ABLIM2: variants seen among roughly 807,000 people sequenced by gnomAD.
ABLIM2 encodes actin-binding LIM protein 2.
In ABLIM2, 53 loss-of-function variants were observed where a neutral mutation model predicts 97.7. The observed-to-expected ratio is 0.54, with a 90% CI of 0.44 to 0.68. The LOEUF is 0.68. Ranked by LOEUF, ABLIM2 falls within the 30% of genes least tolerant of loss-of-function variation. The probability of loss-of-function intolerance (pLI) is 0.00; values close to 1 mark genes in which losing one functional copy is unlikely to be tolerated. For missense variants in ABLIM2, 835 were observed against 867.2 expected, an observed-to-expected ratio of 0.96 and a Z score of 0.47; for synonymous variants, 361 against 345.8, an observed-to-expected ratio of 1.04 and a Z score of -0.49.
At position 7,976,968 on chromosome 4, in the gene ABLIM2, T is replaced by TAC. The variant is rs528668327; in HGVS notation, c.1824+6294_1824+6295dup. ...ACATACATACACACAGTCACGTGTA[T>TAC]ACACACACACACACTGATATGGTTT... On this transcript the variant is annotated intron_variant, in intron 20 of 20. Coordinates refer to ENST00000447017, the MANE Select transcript of ABLIM2 (RefSeq NM_001130083.2). Among the ~76,000 whole-genome samples, 799 of 151,898 alleles carry TAC rather than the reference T, an allele frequency of 5.3e-3. 5 individuals are homozygous for TAC. The highest frequency in any genetic ancestry group is 0.017 in the African/African-American group (710 of 41,424).
In ABLIM2 at chr4:8,003,282, C is replaced by T. The variant is rs572373515; in HGVS notation, c.1618+4777G>A. ...ATGCTCAGAAACCTGCATTAGCCTT[C>T]GGCCAGGCAGAGTCATCTAGCACAC... On this transcript the variant is annotated intron_variant, in intron 16 of 20. Coordinates refer to ENST00000447017, the MANE Select transcript of ABLIM2 (RefSeq NM_001130083.2). The surrounding 1 kb of genome is among the most constrained non-coding windows in gnomAD (Gnocchi z 4.2). Among the ~76,000 whole-genome samples the T allele has an allele frequency of 3.9e-5, 6 of 152,342 alleles. No individual in the cohort carries two copies. In the South Asian group the frequency reaches 1.0e-3, roughly 26 times the overall value.
intron 1 of ABLIM2, among the ~76,000 whole-genome samples, chr4:8,137,912 GC>G (rs1561619154): frequency 6.6e-6 from 1 of 152,252 alleles, no homozygotes; most frequent in Non-Finnish European, 1.5e-5. Flanking sequence ...GGCAGAAGCC[GC>G]CCAGGTGCCC....
In ABLIM2 at chr4:8,077,675, T is replaced by C; in HGVS notation, c.628A>G (p.Ile210Val). The change falls in exon 6 of 21, where the codon ATC becomes GTC. Residue 210 changes from isoleucine to valine, a missense_variant. Coordinates refer to ENST00000447017, the MANE Select transcript of ABLIM2 (RefSeq NM_001130083.2). The part of the protein sequence containing the change: ...CEADYHAKFG[I>V]RCDSCEKYIT... ...TATTTCTCACAGCTGTCACAGCGGA[T>C]GCCGAACTTGGCGTGATAGTCAGCT... is the stretch of plus-strand genomic sequence containing the variant. 1 of 1,613,282 alleles carries C rather than the reference T, an allele frequency of 6.2e-7. No homozygotes were observed. Among genetic ancestry groups the C allele is most frequent in the Non-Finnish European group, 8.5e-7 (1 of 1,179,578 alleles).
At position 8,122,891 on chromosome 4, in the gene ABLIM2, AG is replaced by A. The variant is rs1416072272; in HGVS notation, c.11-16255del. 6.6e-6 allele frequency among the ~76,000 whole-genome samples: 1 copy of A among 151,970 alleles called. No homozygotes were observed. The highest frequency in any genetic ancestry group is 6.5e-5 in the Admixed American group (1 of 15,278). ...TCCACCATGCCCCACCGCGTGGATG[AG>A]GGGATGGGAGAGGGAGAGGGGTGAG... On this transcript the variant is annotated intron_variant, in intron 1 of 20. Transcript: ENST00000447017. The surrounding 1 kb of genome is among the most constrained non-coding windows in gnomAD (Gnocchi z 4.1).
intron 2 of ABLIM2, among the ~76,000 whole-genome samples, chr4:8,105,294 T>C (rs925366158): frequency 6.6e-6 from 1 of 152,146 alleles, no homozygotes; most frequent in Non-Finnish European, 1.5e-5. Flanking sequence ...ATATACTTGG[T>C]TTTTACTATA....
At chr4:8,121,106 T>C (rs1234140012) in intron 1 of ABLIM2, among the ~76,000 whole-genome samples, 1 of 152,216 alleles carries the variant, frequency 6.6e-6, no homozygotes, top group African/African-American at 2.4e-5. Context: ...AGCTGGGGAC[T>C]GGCTGGCTCC....
At chr4:7,993,983 C>T (rs369799336) in intron 16 of ABLIM2, 6 of 501,504 alleles carry the variant, frequency 1.2e-5, no homozygotes, top group Non-Finnish European at 2.0e-5. Context: ...GAAGTGAACG[C>T]CTGCCTGGCT....
At position 8,147,389 on chromosome 4, in the gene ABLIM2, C is replaced by T. The variant is rs1284364470; in HGVS notation, c.10+11291G>A. Reference sequence around the variant, plus strand: ...TGTGCCCGGCTGAGTAATGCCTCCCCCAGAAGATATCCCCATCTAATCGCT... The same window carrying T: ...TGTGCCCGGCTGAGTAATGCCTCCCTCAGAAGATATCCCCATCTAATCGCT... On this transcript the variant is annotated intron_variant, in intron 1 of 20. Coordinates refer to ENST00000447017, the MANE Select transcript of ABLIM2 (RefSeq NM_001130083.2). The surrounding 1 kb of genome is among the most constrained non-coding windows in gnomAD (Gnocchi z 5.3). 6.6e-6 allele frequency among the ~76,000 whole-genome samples: 1 copy of T among 152,122 alleles called. No homozygotes were observed. The highest frequency in any genetic ancestry group is 6.5e-5 in the Admixed American group (1 of 15,286).
chr4:8,108,208 C>A lies in ABLIM2; in HGVS notation c.11-1571G>T, dbSNP rs767082694. Among the ~76,000 whole-genome samples the A allele has an allele frequency of 1.6e-3, 247 of 152,328 alleles. 3 individuals are homozygous for A. Among genetic ancestry groups the A allele is most frequent in the Non-Finnish European group, 2.4e-4 (16 of 68,030 alleles). ...GACGCAGGGGCAGAGGCACCAAGCC[C>A]CTCCCCTCTGCATTCTGCCAGCCAC... On this transcript the variant is annotated intron_variant, in intron 1 of 20. Coordinates refer to ENST00000447017, the MANE Select transcript of ABLIM2 (RefSeq NM_001130083.2).
rs1821357067 is a variant in ABLIM2 at position 8,083,643 on chromosome 4, A to T, written c.455-2841T>A. ...ATGGAAACCACATCCTCACTTTCTA[A>T]ACACATCCGGAGCTCCACATTGCTT... On this transcript the variant is annotated intron_variant, in intron 4 of 20. Transcript: ENST00000447017. The surrounding 1 kb of genome is among the most constrained non-coding windows in gnomAD (Gnocchi z 4.6). Among the ~76,000 whole-genome samples, 1 of 152,156 alleles carries T rather than the reference A, an allele frequency of 6.6e-6. No homozygotes were observed. The highest frequency in any genetic ancestry group is 2.1e-4 in the South Asian group (1 of 4,828).
intron 20 of ABLIM2, among the ~76,000 whole-genome samples, chr4:7,981,643 A>G (rs957888253): frequency 1.3e-5 from 2 of 152,162 alleles, no homozygotes; most frequent in African/African-American, 2.4e-5. Flanking sequence ...CATTTGCAAC[A>G]AACAGGTCAA....
chr4:8,070,387 T>G (rs1160515907), intron 6 of ABLIM2, among the ~76,000 whole-genome samples: 1 of 152,056 alleles, frequency 6.6e-6, no homozygotes, highest in East Asian at 1.9e-4. Context: ...GGTGGCACTA[T>G]GAATGTTTTG....
At chr4:7,982,854 C>A (rs1252964338) in intron 20 of ABLIM2, among the ~76,000 whole-genome samples, 1 of 152,152 alleles carries the variant, frequency 6.6e-6, no homozygotes, top group Non-Finnish European at 1.5e-5. Context: ...CAGGCACCTG[C>A]CACCACGCCC....
intron 8 of ABLIM2, among the ~76,000 whole-genome samples, chr4:8,050,020 G>T (rs1006108943): frequency 6.6e-6 from 1 of 152,166 alleles, no homozygotes; most frequent in Non-Finnish European, 1.5e-5. Flanking sequence ...GAGCCACTGC[G>T]CACGGCCAGT....
intron 14 of ABLIM2, among the ~76,000 whole-genome samples, chr4:8,013,981 G>C (rs1035186426): frequency 4.6e-5 from 7 of 152,232 alleles, no homozygotes; most frequent in African/African-American, 1.7e-4. Flanking sequence ...AACCTCCAAG[G>C]ATCTCTTGCC....
chr4:8,073,307 G>A (rs761301238), intron 6 of ABLIM2, among the ~76,000 whole-genome samples: 9 of 150,378 alleles, frequency 6.0e-5, no homozygotes, highest in Non-Finnish European at 1.3e-4. Context: ...GGCCGTCCTC[G>A]CTGAGGTCTG....
rs189620216 is a variant in ABLIM2 at position 7,968,167 on chromosome 4, A to G, written c.1825-1064T>C. Among the ~76,000 whole-genome samples the G allele has an allele frequency of 1.3e-3, 192 of 152,378 alleles. 2 individuals carry two copies. In the East Asian group the frequency reaches 0.013, roughly 10 times the overall value. On this transcript the variant is annotated intron_variant, in intron 20 of 20. Transcript: ENST00000447017. ...GGGGCTGAGAGGAGGAACTGGAAAG[A>G]GGCTGGAGAAGGCCAGTGACAGGAA...
chr4:8,066,775 G>C (rs1027264311), intron 6 of ABLIM2: 14 of 152,160 alleles, frequency 9.2e-5, no homozygotes, highest in African/African-American at 3.1e-4. Flanking sequence ...ACTGCCTAGT[G>C]GGGGTGAGGT....
Position 8,149,446 on chromosome 4 carries a change from G to A in ABLIM2, c.10+9234C>T, listed in dbSNP as rs546036537. On this transcript the variant is annotated intron_variant, in intron 1 of 20. Transcript: ENST00000447017. The surrounding 1 kb of genome is among the most constrained non-coding windows in gnomAD (Gnocchi z 6.4). Reference sequence around the variant, plus strand: ...CCAGCTCCAGGCTGCAGAGCAGGCAGGAGCAGGCACAAATCTCCACAGGAA... The same window carrying A: ...CCAGCTCCAGGCTGCAGAGCAGGCAAGAGCAGGCACAAATCTCCACAGGAA... Among the ~76,000 whole-genome samples, 4 of 152,078 alleles carry A rather than the reference G, an allele frequency of 2.6e-5. No homozygotes were observed. The highest frequency in any genetic ancestry group is 1.3e-4 in the Admixed American group (2 of 15,272).
Sources: allele counts gnomAD v4.1 joint callset (sites outside exome capture counted in the v4.1 genomes callset), GRCh38; gene constraint gnomAD v4.1.1; non-coding constraint Gnocchi (gnomAD v3.1); transcripts MANE v1.5; gene names NCBI Gene and HGNC (gene_info 2026-07-23, HGNC 2026-07-21).